VAV3: variants seen among roughly 807,000 people sequenced by gnomAD.
The protein encoded by VAV3 is vav guanine nucleotide exchange factor 3.
In VAV3, 94 loss-of-function variants were observed where a neutral mutation model predicts 131.2. The observed-to-expected ratio is 0.72, with a 90% CI of 0.61 to 0.85. The LOEUF (loss-of-function observed/expected upper bound fraction) is 0.85. Among genes scored for constraint, VAV3 ranks in the 40% least tolerant of loss-of-function variants. VAV3 has a pLI of 0.00. For synonymous variants in VAV3, 349 were observed against 342.0 expected, an observed-to-expected ratio of 1.02 and a Z score of -0.22; for missense variants, 939 against 1,002.7, an observed-to-expected ratio of 0.94 and a Z score of 0.86.
chr1:107,593,276 A>C (rs751348784), intron 25 of VAV3, among the ~76,000 whole-genome samples: 3 of 152,172 alleles, frequency 2.0e-5, no homozygotes, highest in Non-Finnish European at 4.4e-5. Flanking sequence ...TTGAAAAAAT[A>C]ATTGGTAAAC....
At chr1:107,729,113 A>G (rs768516749) in intron 15 of VAV3, among the ~76,000 whole-genome samples, 1 of 152,222 alleles carries the variant, frequency 6.6e-6, no homozygotes, top group Non-Finnish European at 1.5e-5. Flanking sequence ...TTATGACCTC[A>G]GGTATATTTT....
chr1:107,964,880 T>G lies in VAV3; in HGVS notation c.-11A>C. On this transcript the variant is annotated 5_prime_UTR_variant, in exon 1 of 27. Transcript: ENST00000370056. ...CTTCCACGGCTCCATGCCCGACGGC[T>G]CCGGGACGCGGCTGGGCCGGGGCGG... 6.6e-7 allele frequency: 1 copy of G among 1,517,060 alleles called. No homozygotes were observed. The highest frequency in any genetic ancestry group is 8.9e-7 in the Non-Finnish European group (1 of 1,125,624). 94.0% of individuals were successfully genotyped at this position (1,517,060 alleles called of 1,614,324 possible).
intron 25 of VAV3, among the ~76,000 whole-genome samples, chr1:107,591,909 T>C (rs571963729): frequency 1.1e-4 from 16 of 152,260 alleles, no homozygotes; most frequent in Admixed American, 2.0e-4. Flanking sequence ...AAGCAGAAAA[T>C]TGCATTGATG....
chr1:107,702,002 T>C (rs1351155908), intron 17 of VAV3, among the ~76,000 whole-genome samples: 1 of 152,220 alleles, frequency 6.6e-6, no homozygotes, highest in Non-Finnish European at 1.5e-5. Context: ...CGCTTCCACA[T>C]TTTCAAGTAT....
At chr1:107,721,291 T>C (rs145331072) in intron 15 of VAV3, among the ~76,000 whole-genome samples, 2,104 of 152,294 alleles carry the variant, frequency 0.014, 22 homozygotes, top group African/African-American at 0.015. Context: ...CCAAAGATAT[T>C]GGCTGCTACT....
intron 2 of VAV3, among the ~76,000 whole-genome samples, chr1:107,868,190 T>G (rs57573343): frequency 0.018 from 2,780 of 152,216 alleles, 87 homozygotes; most frequent in African/African-American, 0.064. Context: ...AGCCCAAAGA[T>G]TTCTGGATAA....
rs927897458 is a variant in VAV3 at position 107,771,181 on chromosome 1, A to C, written c.556-453T>G. 3.9e-5 allele frequency among the ~76,000 whole-genome samples: 6 copies of C among 152,090 alleles called. 1 individual carries two copies. The highest frequency in any genetic ancestry group is 1.4e-4 in the African/African-American group (6 of 41,392). On this transcript the variant is annotated intron_variant, in intron 5 of 26. Transcript: ENST00000370056. ...AACTAAGTATTTAAGATTGGAAGTCATAGAGCACAACACTAAAATCAAAGA... is the reference window on the plus strand; with the variant it reads ...AACTAAGTATTTAAGATTGGAAGTCCTAGAGCACAACACTAAAATCAAAGA...
intron 25 of VAV3, among the ~76,000 whole-genome samples, chr1:107,575,368 G>A (rs1232830113): frequency 6.6e-6 from 1 of 152,116 alleles, no homozygotes; most frequent in Non-Finnish European, 1.5e-5. Flanking sequence ...TATGACCTGT[G>A]TTACCCTGGA....
At chr1:107,863,658 C>T (rs1039810218) in intron 2 of VAV3, among the ~76,000 whole-genome samples, 1 of 152,178 alleles carries the variant, frequency 6.6e-6, no homozygotes, top group African/African-American at 2.4e-5. Context: ...ATAACTTTCC[C>T]TCTACTTACG....
chr1:107,667,498 T>C (rs72975669), intron 19 of VAV3, among the ~76,000 whole-genome samples: 2,964 of 152,290 alleles, frequency 0.019, 106 homozygotes, highest in African/African-American at 0.068. Context: ...GGAAATGAGA[T>C]GCAATTTTTA....
intron 8 of VAV3, among the ~76,000 whole-genome samples, 169 bp downstream of exon 8, chr1:107,766,278 C>A (rs1664729628): frequency 6.6e-6 from 1 of 151,974 alleles, no homozygotes; most frequent in Admixed American, 6.6e-5. Flanking sequence ...TTTTTAATTA[C>A]ATATATAGAA....
intron 1 of VAV3, among the ~76,000 whole-genome samples, chr1:107,908,490 T>A (rs1672209076): frequency 1.3e-5 from 2 of 152,192 alleles, no homozygotes; most frequent in South Asian, 2.1e-4. Flanking sequence ...AAAGAAATGA[T>A]CTCTAGTATG....
intron 2 of VAV3, among the ~76,000 whole-genome samples, chr1:107,872,676 T>C (rs1670306680): frequency 6.6e-6 from 1 of 152,170 alleles, no homozygotes; most frequent in Non-Finnish European, 1.5e-5. Context: ...ATTCCCTCAA[T>C]ATATGCAAAG....
At chr1:107,699,786 AAGG>A (rs780917976) in intron 17 of VAV3, among the ~76,000 whole-genome samples, 4 of 152,122 alleles carry the variant, frequency 2.6e-5, no homozygotes, top group African/African-American at 7.2e-5. Context: ...AACAATTGCA[AAGG>A]AGAAAGAAAT....
At chr1:107,657,373 T>C (rs570558473) in intron 19 of VAV3, among the ~76,000 whole-genome samples, 1 of 152,336 alleles carries the variant, frequency 6.6e-6, no homozygotes, top group African/African-American at 2.4e-5. Context: ...TATTAAATCA[T>C]GGCCTACAAA....
intron 1 of VAV3, among the ~76,000 whole-genome samples, chr1:107,940,082 T>C (rs1318859692): frequency 6.6e-6 from 1 of 152,164 alleles, no homozygotes; most frequent in East Asian, 1.9e-4. Flanking sequence ...GTCAAATTCA[T>C]CCTCTCAAAT....
intron 1 of VAV3, among the ~76,000 whole-genome samples, chr1:107,901,943 T>C (rs1254150182): frequency 6.6e-6 from 1 of 151,890 alleles, no homozygotes; most frequent in African/African-American, 2.4e-5. Context: ...CTCGGGAGGC[T>C]GAGGGAGGAG....
At chr1:107,612,609 T>C (rs1372015375) in intron 21 of VAV3, among the ~76,000 whole-genome samples, 3 of 152,130 alleles carry the variant, frequency 2.0e-5, no homozygotes, top group African/African-American at 7.2e-5. Context: ...TTAAGTATGG[T>C]TCACATTTTC....
chr1:107,903,631 T>C (rs1383481092), intron 1 of VAV3, among the ~76,000 whole-genome samples: 1 of 152,148 alleles, frequency 6.6e-6, no homozygotes, highest in Non-Finnish European at 1.5e-5. Flanking sequence ...AAGCTGAGTA[T>C]GCATCTTTAT....
Sources: gnomAD v4.1 joint callset for allele counts (sites outside exome capture counted in the v4.1 genomes callset) on GRCh38, gnomAD v4.1.1 for gene constraint, MANE v1.5 for transcripts, NCBI Gene and HGNC (gene_info 2026-07-23, HGNC 2026-07-21) for gene names.